The following BAZ1A variants were observed in gnomAD, a reference collection of about 807,000 sequenced individuals.
The protein encoded by BAZ1A is bromodomain adjacent to zinc finger domain protein 1A.
A neutral mutation model predicts 185.2 loss-of-function variants in BAZ1A; 50 were observed. The observed-to-expected ratio is 0.27, with a 90% CI of 0.22 to 0.34. BAZ1A has a LOEUF of 0.34. BAZ1A is among the 10% of genes least tolerant of loss of function. The pLI is 1.00. For missense variants in BAZ1A, 1,356 were observed against 1,839.9 expected (o/e 0.74, Z 4.81); for synonymous variants, 571 against 615.6 (o/e 0.93, Z 1.07).
intron 2 of BAZ1A, among the ~76,000 whole-genome samples, chr14:34,871,691 G>A (rs1260434388): frequency 6.6e-6 from 1 of 152,240 alleles, no homozygotes; most frequent in African/African-American, 2.4e-5. Flanking sequence ...TGGCCAACAT[G>A]ATGAAACCCC....
chr14:34,861,186 AAAAAAC>A lies in BAZ1A; in HGVS notation c.392+852_392+857del, dbSNP rs1388095809. On this transcript the variant is annotated intron_variant, in intron 3 of 26. Transcript: ENST00000360310. ...GGTCAATAATGGGGGCAGGGCATCCAAAAAACAGTTAATACCTAAAGTCAAGAGGCT... is the reference window on the plus strand; with the variant it reads ...GGTCAATAATGGGGGCAGGGCATCCAAGTTAATACCTAAAGTCAAGAGGCT... Among the ~76,000 whole-genome samples, 46 of 152,320 alleles carry A rather than the reference AAAAAAC, an allele frequency of 3.0e-4. 1 individual carries two copies. The highest frequency in any genetic ancestry group is 1.1e-3 in the African/African-American group (45 of 41,568).
At chr14:34,771,475 C>T (rs749043412) in intron 21 of BAZ1A, 36 bp downstream of exon 21, 1 of 1,570,350 alleles carries the variant, frequency 6.4e-7, no homozygotes, top group Non-Finnish European at 8.6e-7. Flanking sequence ...TTACTTATAA[C>T]ACAACTAATA....
intron 4 of BAZ1A, among the ~76,000 whole-genome samples, chr14:34,814,746 G>A (rs1353973443): frequency 6.6e-6 from 1 of 151,676 alleles, no homozygotes; most frequent in Non-Finnish European, 1.5e-5. Context: ...CAAAGTGCTG[G>A]GATTACAGGT....
chr14:34,814,767 G>A lies in BAZ1A; in HGVS notation c.537-3731C>T, dbSNP rs552589686. The stretch of plus-strand genomic sequence containing the variant: ...GCTGGGATTACAGGTGTGAGCCACC[G>A]TACCAGACCTTATCTTTTTTTTTTT... On this transcript the variant is annotated intron_variant, in intron 4 of 26. Coordinates refer to ENST00000360310, the MANE Select transcript of BAZ1A (RefSeq NM_013448.3). Among the ~76,000 whole-genome samples, 39 of 150,442 alleles carry A rather than the reference G, an allele frequency of 2.6e-4. No individual in the cohort carries two copies. The East Asian group carries it at 5.1e-3, about 20-fold the overall frequency.
intron 2 of BAZ1A, among the ~76,000 whole-genome samples, chr14:34,866,826 T>C (rs991659523): frequency 2.0e-5 from 3 of 152,094 alleles, no homozygotes; most frequent in African/African-American, 4.8e-5. Context: ...GTTAGTCACA[T>C]GTATAATTTT....
At chr14:34,786,361 T>A (rs1880437781) in intron 12 of BAZ1A, 140 bp from the exon 13 acceptor site, 1 of 681,210 alleles carries the variant, frequency 1.5e-6, no homozygotes, top group Non-Finnish European at 2.4e-6. Context: ...GTACAAGCAA[T>A]ATTCACATTC....
intron 3 of BAZ1A, among the ~76,000 whole-genome samples, chr14:34,843,335 T>C (rs979083679): frequency 6.6e-6 from 1 of 152,158 alleles, no homozygotes; most frequent in Admixed American, 6.6e-5. Context: ...CTAACAAACA[T>C]ACAGCACGCT....
intron 5 of BAZ1A, among the ~76,000 whole-genome samples, chr14:34,808,086 ACT>A (rs1300418000): frequency 6.6e-6 from 1 of 151,932 alleles, no homozygotes; most frequent in Non-Finnish European, 1.5e-5. Flanking sequence ...ACAGAGCAAG[ACT>A]CTGTCTCAAA....
chr14:34,830,054 G>A (rs1238421264), intron 3 of BAZ1A, among the ~76,000 whole-genome samples: 2 of 152,116 alleles, frequency 1.3e-5, no homozygotes, highest in African/African-American at 4.8e-5. Context: ...CACAATAATA[G>A]TATTGGTGAG....
rs1413863695 is a variant in BAZ1A, at chr14:34,874,774, C to A, written c.-58-112G>T. 2 of 532,858 alleles carry A rather than the reference C, an allele frequency of 3.8e-6. No homozygotes were observed. Among genetic ancestry groups the A allele is most frequent in the Non-Finnish European group, 6.5e-6 (2 of 308,854 alleles). The allele number at this position is 532,858 out of a possible 1,614,324, so 33.0% of individuals were successfully genotyped here. A position where few individuals can be genotyped will look rare whatever the true frequency, so the allele number is the denominator to read the frequency against. ...GGCTGCCTTTTGTGTGACTGACGCG[C>A]CGCGGCCGCTACCGGAGCCGAGTTC... is the stretch of plus-strand genomic sequence containing the variant. On this transcript the variant is annotated intron_variant, in intron 1 of 26. Transcript: ENST00000360310. This position sits in a 1 kb window ranked among gnomAD's most constrained non-coding sequence, Gnocchi z 4.7.
chr14:34,773,322 TA>T lies in BAZ1A; in HGVS notation c.3152+249del, dbSNP rs961699289. Among the ~76,000 whole-genome samples the T allele has an allele frequency of 8.7e-3, 1,270 of 146,444 alleles. 17 individuals are homozygous for T. The highest frequency in any genetic ancestry group is 0.029 in the African/African-American group (1,155 of 40,262). ...TTAATAAAACCTTAAGTTCAAAGAT[TA>T]AAAAAAAAAACTTTAAGAAATTATC... On this transcript the variant is annotated intron_variant, in intron 20 of 26. Coordinates refer to ENST00000360310, the MANE Select transcript of BAZ1A (RefSeq NM_013448.3).
At chr14:34,811,146 A>AT (rs992713754) in intron 4 of BAZ1A, 110 bp from the exon 5 acceptor site, 187 of 795,740 alleles carry the variant, frequency 2.4e-4, no homozygotes, top group East Asian at 6.5e-4. Context: ...ATATTTCAAA[A>AT]TTTTTTTTTG....
In BAZ1A at chr14:34,852,248, G is replaced by A. The variant is rs2042609268; in HGVS notation, c.392+9796C>T. ...TTGGAGTTTCCTTCCAGTTACAATA[G>A]GGGAATTTGATTCCAAGTTGTAATG... On this transcript the variant is annotated intron_variant, in intron 3 of 26. Transcript: ENST00000360310. 2.0e-5 allele frequency among the ~76,000 whole-genome samples: 3 copies of A among 152,176 alleles called. 1 individual carries two copies. The highest frequency in any genetic ancestry group is 6.3e-3 in the Middle Eastern group (2 of 316).
At chr14:34,865,873 T>C (rs2042849977) in intron 2 of BAZ1A, among the ~76,000 whole-genome samples, 1 of 152,092 alleles carries the variant, frequency 6.6e-6, no homozygotes, top group African/African-American at 2.4e-5. Flanking sequence ...TTAGAACTTT[T>C]TTGGGGGGAA....
intron 5 of BAZ1A, among the ~76,000 whole-genome samples, chr14:34,809,918 G>C (rs2041906532): frequency 6.6e-6 from 1 of 152,078 alleles, no homozygotes; most frequent in South Asian, 2.1e-4. Context: ...TTAGAAGTTT[G>C]AATAATCAAA....
At chr14:34,813,679 G>A (rs571412566) in intron 4 of BAZ1A, among the ~76,000 whole-genome samples, 9 of 151,552 alleles carry the variant, frequency 5.9e-5, no homozygotes, top group African/African-American at 1.9e-4. Flanking sequence ...GCGAAACTCC[G>A]TCTTCAAAAT....
rs146885419 is a variant in BAZ1A, at chr14:34,826,780, A to T, written c.393-624T>A. On this transcript the variant is annotated intron_variant, in intron 3 of 26. Coordinates refer to ENST00000360310, the MANE Select transcript of BAZ1A (RefSeq NM_013448.3). ...AACTTGACTGCATTAAGGCAAAAGCAGATAGTCGCTAAAGTATTATTGCTA... is the reference window on the plus strand; with the variant it reads ...AACTTGACTGCATTAAGGCAAAAGCTGATAGTCGCTAAAGTATTATTGCTA... Among the ~76,000 whole-genome samples the T allele has an allele frequency of 1.8e-4, 27 of 152,304 alleles. No homozygotes were observed. The South Asian group carries it at 5.6e-3, about 32-fold the overall frequency.
chr14:34,863,158 T>A (rs1208396849), intron 2 of BAZ1A, among the ~76,000 whole-genome samples: 2,016 of 119,180 alleles, frequency 0.017, 171 homozygotes, highest in African/African-American at 0.065. Flanking sequence ...TCGGCTTTTT[T>A]TTTTTTTTTT....
rs185597460 is a variant in BAZ1A at position 34,801,031 on chromosome 14, C to T, written c.961+63G>A. ...TGCCATTTCGGAAACATCCCCCACT[C>T]AGGCACAGAGAAATATTCTTTCTTA... On this transcript the variant is annotated intron_variant, in intron 8 of 26. Coordinates refer to ENST00000360310, the MANE Select transcript of BAZ1A (RefSeq NM_013448.3). The T allele has an allele frequency of 3.3e-3, 3,987 of 1,221,198 alleles. 18 individuals are homozygous for T. Among genetic ancestry groups the T allele is most frequent in the Non-Finnish European group, 3.9e-3 (3,470 of 881,254 alleles). 75.6% of individuals were successfully genotyped at this position (1,221,198 alleles called of 1,614,324 possible).
Sources: allele counts gnomAD v4.1 joint callset (sites outside exome capture counted in the v4.1 genomes callset), GRCh38; gene constraint gnomAD v4.1.1; non-coding constraint Gnocchi (gnomAD v3.1); transcripts MANE v1.5; gene names NCBI Gene and HGNC (gene_info 2026-07-23, HGNC 2026-07-21).